The following TAS2R1 variants were observed in gnomAD, a reference collection of about 807,000 sequenced individuals.
TAS2R1 encodes the protein taste 2 receptor member 1.
For synonymous variants in TAS2R1, 141 were observed against 134.2 expected (o/e 1.05, Z -0.35); for missense variants, 370 against 353.4 (o/e 1.05, Z -0.38).
chr5:9,647,055 T>G (rs1357557118), intron 2 of TAS2R1, among the ~76,000 whole-genome samples: 1 of 152,128 alleles, frequency 6.6e-6, no homozygotes, highest in Non-Finnish European at 1.5e-5. Context: ...ATAGGGACTG[T>G]GACAATGATA....
chr5:9,822,345 A>AT, the TAS2R1 span, among the ~76,000 whole-genome samples: 835 of 109,756 alleles, frequency 7.6e-3, 10 homozygotes, highest in Middle Eastern at 0.015. Context: ...TGCATGTGTA[A>AT]TTTTTTTTTT....
the TAS2R1 span, among the ~76,000 whole-genome samples, chr5:9,783,464 C>T: frequency 6.6e-5 from 10 of 152,306 alleles, no homozygotes; most frequent in African/African-American, 2.2e-4. Flanking sequence ...TATGTGCATC[C>T]GTGCTGGGCC....
At chr5:9,770,993 C>T in the TAS2R1 span, among the ~76,000 whole-genome samples, 2 of 152,264 alleles carry the variant, frequency 1.3e-5, no homozygotes, top group Admixed American at 1.3e-4. Context: ...GGAAAGGCCT[C>T]CAGCTTTTCT....
the TAS2R1 span, among the ~76,000 whole-genome samples, chr5:9,788,731 C>T: frequency 1.3e-5 from 2 of 152,098 alleles, no homozygotes; most frequent in African/African-American, 4.8e-5. Flanking sequence ...AGCCGAACAA[C>T]AGTAAACTCA....
At chr5:9,838,460 A>G in the TAS2R1 span, among the ~76,000 whole-genome samples, 1 of 152,202 alleles carries the variant, frequency 6.6e-6, no homozygotes, top group Admixed American at 6.5e-5. Flanking sequence ...ACAGCTCCTG[A>G]GCCATATTTT....
At chr5:9,704,517 G>A (rs1741560985) in intron 1 of TAS2R1, among the ~76,000 whole-genome samples, 1 of 152,154 alleles carries the variant, frequency 6.6e-6, no homozygotes, top group Non-Finnish European at 1.5e-5. Context: ...AGTTCACGAT[G>A]AAGAAACCAA....
At chr5:9,812,033 CAG>C in the TAS2R1 span, among the ~76,000 whole-genome samples, 3 of 152,090 alleles carry the variant, frequency 2.0e-5, no homozygotes, top group Non-Finnish European at 4.4e-5. Flanking sequence ...GTCATCTCCT[CAG>C]AGAGACTTTC....
At chr5:9,678,008 A>C (rs1363187551) in intron 1 of TAS2R1, among the ~76,000 whole-genome samples, 2 of 152,156 alleles carry the variant, frequency 1.3e-5, no homozygotes, top group Non-Finnish European at 2.9e-5. Context: ...TCAAAGCTGC[A>C]GTGCAAAATT....
At chr5:9,831,973 G>A in the TAS2R1 span, among the ~76,000 whole-genome samples, 1 of 152,172 alleles carries the variant, frequency 6.6e-6, no homozygotes, top group East Asian at 1.9e-4. Flanking sequence ...GAAAAAGGAG[G>A]CCGAGAGGAA....
At chr5:9,750,886 C>T in the TAS2R1 span, among the ~76,000 whole-genome samples, 1 of 152,038 alleles carries the variant, frequency 6.6e-6, no homozygotes, top group South Asian at 2.1e-4. Context: ...CATACAAATG[C>T]CATAGAGTAG....
At chr5:9,648,221 C>T (rs922355931) in intron 2 of TAS2R1, among the ~76,000 whole-genome samples, 1 of 152,028 alleles carries the variant, frequency 6.6e-6, no homozygotes, top group African/African-American at 2.4e-5. Flanking sequence ...GTAATTAATG[C>T]ATTTCAGGCC....
At chr5:9,882,234 T>C in the TAS2R1 span, among the ~76,000 whole-genome samples, 2 of 151,862 alleles carry the variant, frequency 1.3e-5, no homozygotes, top group East Asian at 1.9e-4. Context: ...TATGTGGCCA[T>C]CAAACATATG....
At position 9,663,083 on chromosome 5, in the gene TAS2R1, G is replaced by A. The variant is rs74622126; in HGVS notation, c.-241-3502C>T. On this transcript the variant is annotated intron_variant, in intron 1 of 2. Coordinates refer to the TAS2R1 transcript ENST00000506620. ...CTTTCTTTAGTCAATACAATTCTAC[G>A]TTATATTTGCATGCTATTCTATACT... 9.6e-3 allele frequency among the ~76,000 whole-genome samples: 1,456 copies of A among 151,450 alleles called. 18 individuals are homozygous for A. Among genetic ancestry groups the A allele is most frequent in the African/African-American group, 0.028 (1,165 of 41,404 alleles).
chr5:9,760,484 G>T, the TAS2R1 span, among the ~76,000 whole-genome samples: 1 of 152,272 alleles, frequency 6.6e-6, no homozygotes, highest in East Asian at 1.9e-4. Context: ...AGTGTAAGAA[G>T]AATTGTATAC....
the TAS2R1 span, among the ~76,000 whole-genome samples, chr5:9,783,964 C>T: frequency 6.6e-6 from 1 of 152,174 alleles, no homozygotes; most frequent in African/African-American, 2.4e-5. Flanking sequence ...GCATCTCTTC[C>T]TGGCTGTATG....
At chr5:9,717,290 C>G (rs1390660888), upstream of TAS2R1, among the ~76,000 whole-genome samples, 2 of 151,940 alleles carry the variant, frequency 1.3e-5, no homozygotes, top group African/African-American at 4.8e-5. Flanking sequence ...ATCTGATGTT[C>G]CTTGGAGATG....
intron 1 of TAS2R1, among the ~76,000 whole-genome samples, chr5:9,684,306 G>T (rs1237842845): frequency 6.6e-6 from 1 of 152,204 alleles, no homozygotes; most frequent in Non-Finnish European, 1.5e-5. Context: ...CACAGAAAGA[G>T]AAATACCTCA....
intron 1 of TAS2R1, among the ~76,000 whole-genome samples, chr5:9,695,041 C>T (rs1487258316): frequency 6.6e-6 from 1 of 152,152 alleles, no homozygotes; most frequent in Non-Finnish European, 1.5e-5. Context: ...CACTGTTTAC[C>T]TGCTGTGGGA....
At chr5:9,843,162 G>A in the TAS2R1 span, among the ~76,000 whole-genome samples, 1 of 151,948 alleles carries the variant, frequency 6.6e-6, no homozygotes, top group African/African-American at 2.4e-5. Flanking sequence ...ACAGAATGTT[G>A]GCTCACCTCT....
Sources: gnomAD v4.1 joint callset for allele counts (sites outside exome capture counted in the v4.1 genomes callset) on GRCh38, gnomAD v4.1.1 for gene constraint, MANE v1.5 for transcripts, NCBI Gene and HGNC (gene_info 2026-07-23, HGNC 2026-07-21) for gene names.